Variants in SP2 observed in about 807,000 individuals in gnomAD.
SP2 encodes Sp2 transcription factor.
SP2 carries 9 observed loss-of-function variants against 50.1 expected under a neutral mutation model. The ratio of observed to expected loss-of-function variants is 0.18; its 90% CI spans 0.11 to 0.31. The LOEUF is 0.31. Among genes scored for constraint, SP2 ranks in the 10% least tolerant of loss-of-function variants. SP2 has a pLI of 1.00. For synonymous variants in SP2, 313 were observed against 326.6 expected (o/e 0.96, Z 0.45); for missense variants, 581 against 806.5 (o/e 0.72, Z 3.39).
chr17:47,907,753 A>G (rs1379732658), intron 1 of SP2, among the ~76,000 whole-genome samples: 3 of 152,180 alleles, frequency 2.0e-5, no homozygotes, highest in East Asian at 1.9e-4. Flanking sequence ...ATCTTCGAAC[A>G]CCATTTAGGC....
In SP2 at chr17:47,925,905, CTTTTT is replaced by C. The variant is rs71141942; in HGVS notation, c.1741+388_1741+392del. 2.3e-4 allele frequency among the ~76,000 whole-genome samples: 19 copies of C among 84,432 alleles called. 1 individual carries two copies. Among genetic ancestry groups the C allele is most frequent in the African/African-American group, 3.8e-4 (8 of 20,858 alleles). 55.4% of individuals were successfully genotyped at this position (84,432 alleles called of 152,430 possible). On this transcript the variant is annotated intron_variant, in intron 6 of 6. Transcript: ENST00000376741. ...TTATGGGAAGATACTTTGTTTATGC[CTTTTT>C]TTTTTTTTTTTTTTTTTTTTTTTGG... is the stretch of plus-strand genomic sequence containing the variant.
chr17:47,910,978 C>T (rs2034958394), intron 1 of SP2, among the ~76,000 whole-genome samples: 1 of 152,162 alleles, frequency 6.6e-6, no homozygotes. Context: ...GTAATCCCAG[C>T]ACTTTTGGAG....
intron 3 of SP2, among the ~76,000 whole-genome samples, chr17:47,921,955 C>T (rs2035475343): frequency 6.6e-6 from 1 of 152,224 alleles, no homozygotes; most frequent in South Asian, 2.1e-4. Flanking sequence ...AGGACACACA[C>T]ACATGTATAC....
intron 1 of SP2, chr17:47,899,729 C>G (rs2034465652): frequency 6.6e-6 from 1 of 152,234 alleles, no homozygotes; most frequent in African/African-American, 2.4e-5. Context: ...AGCGCTCTTT[C>G]AGGATGCTCT....
At chr17:47,898,003 A>G (rs1162750975) in intron 1 of SP2, 6 of 381,948 alleles carry the variant, frequency 1.6e-5, no homozygotes, top group African/African-American at 2.2e-5. Flanking sequence ...AACTACAAGA[A>G]AAAAAGCGAG....
At chr17:47,902,232 G>C (rs2034571320) in intron 1 of SP2, among the ~76,000 whole-genome samples, 1 of 152,132 alleles carries the variant, frequency 6.6e-6, no homozygotes, top group Non-Finnish European at 1.5e-5. Flanking sequence ...GTATGTTCAG[G>C]AACAGCAGGG....
chr17:47,900,196 C>T (rs1451791213), intron 1 of SP2: 2 of 152,212 alleles, frequency 1.3e-5, no homozygotes, highest in Non-Finnish European at 2.9e-5. Flanking sequence ...GTACACATTT[C>T]CAAATGTCAT....
In SP2 at chr17:47,928,040, G is replaced by T; in HGVS notation, c.*216G>T. 2 of 540,384 alleles carry T rather than the reference G, an allele frequency of 3.7e-6. No homozygotes were observed. Among genetic ancestry groups the T allele is most frequent in the Non-Finnish European group, 6.7e-6 (2 of 299,592 alleles). 33.5% of individuals were successfully genotyped at this position (540,384 alleles called of 1,614,324 possible). A position where few individuals can be genotyped will look rare whatever the true frequency, so the allele number is the denominator to read the frequency against. Reference sequence around the variant, plus strand: ...GCCCTTCCCCTCACCACGAGCTCCCGGCCTGCCCAGACTGTGGACACTGGC... The same window carrying T: ...GCCCTTCCCCTCACCACGAGCTCCCTGCCTGCCCAGACTGTGGACACTGGC... On this transcript the variant is annotated 3_prime_UTR_variant, in exon 7 of 7. Coordinates refer to ENST00000376741, the MANE Select transcript of SP2 (RefSeq NM_003110.6).
chr17:47,919,656 C>T (rs370534166), intron 3 of SP2, among the ~76,000 whole-genome samples: 14 of 151,996 alleles, frequency 9.2e-5, no homozygotes, highest in Admixed American at 6.6e-4. Flanking sequence ...ACAATACAAT[C>T]GTCAAACCCA....
chr17:47,897,932 G>A lies in SP2; in HGVS notation c.7+1639G>A. 4 of 937,400 alleles carry A rather than the reference G, an allele frequency of 4.3e-6. No homozygotes were observed. In the South Asian group the frequency reaches 2.0e-4, roughly 46 times the overall value. The allele number at this position is 937,400 out of a possible 1,614,324, so 58.1% of individuals were successfully genotyped here. ...TATCATTGGCTGGGACGATTGGTAAGTTTTCTAATTCTAGTTCTTCCTCTT... is the reference window on the plus strand; with the variant it reads ...TATCATTGGCTGGGACGATTGGTAAATTTTCTAATTCTAGTTCTTCCTCTT... On this transcript the variant is annotated intron_variant, in intron 1 of 6. Coordinates refer to ENST00000376741, the MANE Select transcript of SP2 (RefSeq NM_003110.6).
At chr17:47,898,902 C>G (rs910604313) in intron 1 of SP2, 1 of 152,246 alleles carries the variant, frequency 6.6e-6, no homozygotes, top group Non-Finnish European at 1.5e-5. Context: ...GGTGATATGT[C>G]TGGAGTTTTC....
intron 1 of SP2, among the ~76,000 whole-genome samples, chr17:47,905,471 G>A (rs191585885): frequency 6.6e-6 from 1 of 152,340 alleles, no homozygotes; most frequent in East Asian, 1.9e-4. Flanking sequence ...TACCCCCAAG[G>A]CCTGGGTTGT....
In SP2 at chr17:47,920,703, G is replaced by A. The variant is rs373029727; in HGVS notation, c.1060-2259G>A. On this transcript the variant is annotated intron_variant, in intron 3 of 6. Coordinates refer to ENST00000376741, the MANE Select transcript of SP2 (RefSeq NM_003110.6). ...CCCAAAGTGCTGGGATTACAGGCTC[G>A]AGCCACCACACCCAGCCTTCAGGTT... Among the ~76,000 whole-genome samples the A allele has an allele frequency of 3.8e-4, 58 of 152,214 alleles. 1 individual carries two copies. Among genetic ancestry groups the A allele is most frequent in the African/African-American group, 8.7e-4 (36 of 41,544 alleles).
At chr17:47,902,372 TG>T (rs1311749452) in intron 1 of SP2, among the ~76,000 whole-genome samples, 2 of 152,086 alleles carry the variant, frequency 1.3e-5, no homozygotes, top group Admixed American at 1.3e-4. Flanking sequence ...GGGATGGTAT[TG>T]GGGGCCTCTG....
chr17:47,928,016 C>A lies in SP2; in HGVS notation c.*192C>A. 1.8e-6 allele frequency: 1 copy of A among 568,026 alleles called. No homozygotes were observed. Among genetic ancestry groups the A allele is most frequent in the South Asian group, 2.2e-5 (1 of 46,322 alleles). The allele number at this position is 568,026 out of a possible 1,614,324, so 35.2% of individuals were successfully genotyped here. On this transcript the variant is annotated 3_prime_UTR_variant, in exon 7 of 7. Transcript: ENST00000376741. ...CTGAAGCCCCTTGGCTCTGCCTTGG[C>A]CCTTCCCCTCACCACGAGCTCCCGG...
intron 2 of SP2, 75 bp downstream of exon 2, chr17:47,915,463 A>C (rs747039772): frequency 1.1e-6 from 1 of 904,214 alleles, no homozygotes; most frequent in Non-Finnish European, 1.7e-6. Flanking sequence ...CTCTCTCTTC[A>C]CTGTCTCACT....
chr17:47,909,630 A>C (rs1404513533), intron 1 of SP2: 1 of 836,464 alleles, frequency 1.2e-6, no homozygotes, highest in Non-Finnish European at 1.4e-6. Flanking sequence ...CCTCACAGAA[A>C]TCCTAGAAGG....
At chr17:47,926,496 G>C (rs1371009926) in intron 6 of SP2, among the ~76,000 whole-genome samples, 1 of 151,872 alleles carries the variant, frequency 6.6e-6, no homozygotes, top group Non-Finnish European at 1.5e-5. Flanking sequence ...AATTTTTTTA[G>C]AGACAGGGTC....
At chr17:47,908,305 T>C (rs958843052) in intron 1 of SP2, among the ~76,000 whole-genome samples, 2 of 152,216 alleles carry the variant, frequency 1.3e-5, no homozygotes, top group Non-Finnish European at 2.9e-5. Context: ...TTATTTCGTC[T>C]CATTTCATTT....
Sources: gnomAD v4.1 joint callset for allele counts (sites outside exome capture counted in the v4.1 genomes callset) on GRCh38, gnomAD v4.1.1 for gene constraint, MANE v1.5 for transcripts, NCBI Gene and HGNC (gene_info 2026-07-23, HGNC 2026-07-21) for gene names.